The following RFTN1 variants were observed in gnomAD, a reference collection of about 807,000 sequenced individuals.
RFTN1 encodes the protein raftlin, lipid raft linker 1.
Under a neutral mutation model 46.5 loss-of-function variants are expected in RFTN1, and 26 were observed. The ratio of observed to expected loss-of-function variants is 0.56; its 90% CI spans 0.41 to 0.78. The LOEUF is 0.78. Among genes scored for constraint, RFTN1 ranks in the 30% least tolerant of loss-of-function variants. The pLI is 0.00. For missense variants in RFTN1, 693 were observed against 718.7 expected (o/e 0.96, Z 0.41); for synonymous variants, 261 against 284.2 (o/e 0.92, Z 0.82).
At position 16,440,545 on chromosome 3, in the gene RFTN1, A is replaced by T. The variant is rs2075601055; in HGVS notation, c.146-6508T>A. 6.6e-6 allele frequency among the ~76,000 whole-genome samples: 1 copy of T among 152,102 alleles called. No homozygotes were observed. The highest frequency in any genetic ancestry group is 2.1e-4 in the South Asian group (1 of 4,826). On this transcript the variant is annotated intron_variant, in intron 2 of 9. Transcript: ENST00000334133. The surrounding 1 kb of genome is among the most constrained non-coding windows in gnomAD (Gnocchi z 4.6). The stretch of plus-strand genomic sequence containing the variant: ...AGAGTCTCATCTCCTTACTGGACAG[A>T]GGGCTTGGTGCAGATCCCAAAGCCA...
rs184440810 is a variant in RFTN1, at chr3:16,503,405, A to G, written c.-8-9528T>C. On this transcript the variant is annotated intron_variant, in intron 1 of 9. Coordinates refer to ENST00000334133, the MANE Select transcript of RFTN1 (RefSeq NM_015150.2). The stretch of plus-strand genomic sequence containing the variant: ...GGCAGTGGCTCTTAATCTTGACTGC[A>G]CTTTGGAACCATCTGGAGAGCTGTT... 5.6e-4 allele frequency among the ~76,000 whole-genome samples: 86 copies of G among 152,324 alleles called. No homozygotes were observed. In the East Asian group the frequency reaches 0.013, roughly 23 times the overall value.
In RFTN1 at chr3:16,449,867, G is replaced by A. The variant is rs191198630; in HGVS notation, c.146-15830C>T. On this transcript the variant is annotated intron_variant, in intron 2 of 9. Transcript: ENST00000334133. This position sits in a 1 kb window ranked among gnomAD's most constrained non-coding sequence, Gnocchi z 5.1. ...GGATGTGAGGAGGAAGGGGCAGGGC[G>A]TGTCTGCAATGGAACTGCAGAAGCC... 2.5e-3 allele frequency among the ~76,000 whole-genome samples: 382 copies of A among 152,278 alleles called. 5 individuals are homozygous for A. The highest frequency in any genetic ancestry group is 0.01 in the South Asian group (50 of 4,820).
intron 1 of RFTN1, among the ~76,000 whole-genome samples, chr3:16,508,294 CA>C (rs1281828322): frequency 6.6e-6 from 1 of 152,188 alleles, no homozygotes; most frequent in Non-Finnish European, 1.5e-5. Flanking sequence ...GGAGGCAGGT[CA>C]AATCCAGGAA....
In RFTN1 at chr3:16,392,062, T is replaced by G. The variant is rs1039053162; in HGVS notation, c.442-13960A>C. On this transcript the variant is annotated intron_variant, in intron 4 of 9. Transcript: ENST00000334133. ...GAGGAGGCAAGTCAGTTTCAATAATTGAGTATCTCATCTCCAAGTGCTTTC... is the reference window on the plus strand; with the variant it reads ...GAGGAGGCAAGTCAGTTTCAATAATGGAGTATCTCATCTCCAAGTGCTTTC... Among the ~76,000 whole-genome samples the G allele has an allele frequency of 2.6e-5, 4 of 152,166 alleles. No homozygotes were observed. In the East Asian group the frequency reaches 7.7e-4, roughly 29 times the overall value.
At position 16,344,817 on chromosome 3, in the gene RFTN1, AT is replaced by A. The variant is rs1452958445; in HGVS notation, c.1146+13114del. On this transcript the variant is annotated intron_variant, in intron 7 of 9. Coordinates refer to ENST00000334133, the MANE Select transcript of RFTN1 (RefSeq NM_015150.2). This position sits in a 1 kb window ranked among gnomAD's most constrained non-coding sequence, Gnocchi z 4.4. ...TGTATTAAAAGCCTTGGCCAGGTGA[AT>A]TTCAAAGAACATATTTCAAGGAGTG... Among the ~76,000 whole-genome samples the A allele has an allele frequency of 6.6e-6, 1 of 152,222 alleles. No individual in the cohort carries two copies. The highest frequency in any genetic ancestry group is 1.5e-5 in the Non-Finnish European group (1 of 68,036).
chr3:16,489,486 AG>A lies in RFTN1; in HGVS notation c.145+4238del, dbSNP rs1353156950. 3.9e-5 allele frequency among the ~76,000 whole-genome samples: 6 copies of A among 152,326 alleles called. No individual in the cohort carries two copies. The East Asian group carries it at 1.2e-3, about 29-fold the overall frequency. On this transcript the variant is annotated intron_variant, in intron 2 of 9. Transcript: ENST00000334133. The surrounding 1 kb of genome is among the most constrained non-coding windows in gnomAD (Gnocchi z 4.0). ...GTTGGAGGGATAACAAAGGGGCATG[AG>A]GAAACTTCTGGGGCAATGGAAATGT...
In RFTN1 at chr3:16,465,460, T is replaced by G. The variant is rs1308023803; in HGVS notation, c.145+28265A>C. On this transcript the variant is annotated intron_variant, in intron 2 of 9. Coordinates refer to ENST00000334133, the MANE Select transcript of RFTN1 (RefSeq NM_015150.2). This position sits in a 1 kb window ranked among gnomAD's most constrained non-coding sequence, Gnocchi z 5.1. ...CACACACACACACACACACACCCCA[T>G]GCCTGATTAAACAAAATAATTTTTA... Among the ~76,000 whole-genome samples, 1 of 138,220 alleles carries G rather than the reference T, an allele frequency of 7.2e-6. No individual in the cohort carries two copies. The highest frequency in any genetic ancestry group is 7.1e-5 in the Admixed American group (1 of 14,034). 90.7% of individuals were successfully genotyped at this position (138,220 alleles called of 152,430 possible).
rs2072104101 is a variant in RFTN1, at chr3:16,351,537, G to T, written c.1146+6395C>A. 6.6e-6 allele frequency among the ~76,000 whole-genome samples: 1 copy of T among 152,180 alleles called. No individual in the cohort carries two copies. The highest frequency in any genetic ancestry group is 6.5e-5 in the Admixed American group (1 of 15,280). On this transcript the variant is annotated intron_variant, in intron 7 of 9. Transcript: ENST00000334133. The surrounding 1 kb of genome is among the most constrained non-coding windows in gnomAD (Gnocchi z 5.4). ...TCTGCGGGGTTGCAGAGGCTGTAAT[G>T]ATACCCTAAGCCATTCTACCTGAGG...
chr3:16,435,462 C>T (rs749820867), intron 2 of RFTN1, among the ~76,000 whole-genome samples: 1 of 151,974 alleles, frequency 6.6e-6, no homozygotes, highest in South Asian at 2.1e-4. Flanking sequence ...CCCAGCTACT[C>T]GGGAGGCTGA....
At chr3:16,409,125 C>T (rs112306235) in intron 4 of RFTN1, among the ~76,000 whole-genome samples, 157 of 152,344 alleles carry the variant, frequency 1.0e-3, no homozygotes, top group Middle Eastern at 3.4e-3. Context: ...GGTCTGTCAG[C>T]TGTTAACCCC....
chr3:16,487,988 CT>C (rs953635421), intron 2 of RFTN1, among the ~76,000 whole-genome samples: 1 of 152,174 alleles, frequency 6.6e-6, no homozygotes, highest in Admixed American at 6.5e-5. Context: ...AAGATTCCTG[CT>C]GCTTTCGCCT....
chr3:16,476,205 G>T (rs2076279755), intron 2 of RFTN1, among the ~76,000 whole-genome samples: 1 of 152,224 alleles, frequency 6.6e-6, no homozygotes, highest in Non-Finnish European at 1.5e-5. Flanking sequence ...GATGGAGAAG[G>T]CAGAGGGGAA....
At position 16,376,383 on chromosome 3, in the gene RFTN1, C is replaced by T. The variant is rs934110093; in HGVS notation, c.826+1335G>A. 6.6e-6 allele frequency among the ~76,000 whole-genome samples: 1 copy of T among 152,152 alleles called. No homozygotes were observed. The highest frequency in any genetic ancestry group is 2.4e-5 in the African/African-American group (1 of 41,424). On this transcript the variant is annotated intron_variant, in intron 5 of 9. Coordinates refer to ENST00000334133, the MANE Select transcript of RFTN1 (RefSeq NM_015150.2). The surrounding 1 kb of genome is among the most constrained non-coding windows in gnomAD (Gnocchi z 4.7). ...CCTCTCCATCACTCCTGCCCTTTCT[C>T]CTGGGGGCCTCTGCCTGGCCTGACT...
intron 7 of RFTN1, among the ~76,000 whole-genome samples, chr3:16,354,686 C>G (rs2072314719): frequency 1.3e-5 from 2 of 152,238 alleles, no homozygotes; most frequent in Admixed American, 1.3e-4. Flanking sequence ...TCTGAATACA[C>G]TTTCTCATTC....
At chr3:16,510,676 G>T (rs2076882776) in intron 1 of RFTN1, among the ~76,000 whole-genome samples, 1 of 152,186 alleles carries the variant, frequency 6.6e-6, no homozygotes, top group South Asian at 2.1e-4. Flanking sequence ...TTGCTGGTGA[G>T]ACTGTAAAAT....
chr3:16,323,230 A>C, intron 9 of RFTN1, 146 bp downstream of exon 9: 1 of 627,698 alleles, frequency 1.6e-6, no homozygotes, highest in Admixed American at 3.0e-5. Flanking sequence ...CTGAGATGTG[A>C]TTCGGGTTGC....
Position 16,506,172 on chromosome 3 carries a change from G to T in RFTN1, c.-9+7270C>A, listed in dbSNP as rs1201768042. 6.6e-6 allele frequency among the ~76,000 whole-genome samples: 1 copy of T among 152,156 alleles called. No homozygotes were observed. ...GATTGGGAAAGGCCACACCCAGAAG[G>T]TGACGTTTAAGCAAAATCATGAGGA... is the stretch of plus-strand genomic sequence containing the variant. On this transcript the variant is annotated intron_variant, in intron 1 of 9. Transcript: ENST00000334133. The surrounding 1 kb of genome is among the most constrained non-coding windows in gnomAD (Gnocchi z 4.8).
rs577116855 is a variant in RFTN1, at chr3:16,401,586, C to T, written c.441+7789G>A. 2.6e-5 allele frequency among the ~76,000 whole-genome samples: 4 copies of T among 152,318 alleles called. No homozygotes were observed. The East Asian group carries it at 7.7e-4, about 29-fold the overall frequency. On this transcript the variant is annotated intron_variant, in intron 4 of 9. Transcript: ENST00000334133. ...TCTTCCCCTGGATTCTGTAACATCA[C>T]ACTCTTCTGTTCCTCCCTCTACCTT...
At position 16,424,942 on chromosome 3, in the gene RFTN1, A is replaced by AC. The variant is rs141813273; in HGVS notation, c.332+8908_332+8909insG. Among the ~76,000 whole-genome samples, 13,831 of 107,400 alleles carry AC rather than the reference A, an allele frequency of 0.13. 731 individuals carry two copies. The highest frequency in any genetic ancestry group is 0.17 in the Non-Finnish European group (7,851 of 47,404). The allele number at this position is 107,400 out of a possible 152,430, so 70.5% of individuals were successfully genotyped here. A position where few individuals can be genotyped will look rare whatever the true frequency, so the allele number is the denominator to read the frequency against. ...ATCTTTTTCAGCTTGAAAAACACAC[A>AC]AAAAAAATCTAAGTTACTTCTGATT... is the stretch of plus-strand genomic sequence containing the variant. On this transcript the variant is annotated intron_variant, in intron 3 of 9. Transcript: ENST00000334133. This position sits in a 1 kb window ranked among gnomAD's most constrained non-coding sequence, Gnocchi z 4.7.
Sources: allele counts gnomAD v4.1 joint callset (sites outside exome capture counted in the v4.1 genomes callset), GRCh38; gene constraint gnomAD v4.1.1; non-coding constraint Gnocchi (gnomAD v3.1); transcripts MANE v1.5; gene names NCBI Gene and HGNC (gene_info 2026-07-23, HGNC 2026-07-21).